CDKAL1: variants seen among roughly 807,000 people sequenced by gnomAD.
CDKAL1 encodes the protein CDKAL1 threonylcarbamoyladenosine tRNA methylthiotransferase.
A neutral mutation model predicts 68.2 loss-of-function variants in CDKAL1; 32 were observed. The observed-to-expected ratio is 0.47, with a 90% confidence interval of 0.35 to 0.63. CDKAL1 has a LOEUF of 0.63. CDKAL1 is among the 30% of genes least tolerant of loss of function. The pLI is 0.00. For synonymous variants in CDKAL1, 234 were observed against 244.3 expected (o/e 0.96, Z 0.39); for missense variants, 606 against 696.7 (o/e 0.87, Z 1.47).
rs572696826 is a variant in CDKAL1, at chr6:20,882,146, C to T, written c.742+35968C>T. Among the ~76,000 whole-genome samples, 3 of 152,250 alleles carry T rather than the reference C, an allele frequency of 2.0e-5. No individual in the cohort carries two copies. The South Asian group carries it at 6.2e-4, about 32-fold the overall frequency. Reference sequence around the variant, plus strand: ...GGTACAGGAAGGACTCTCTGACCTTCCTCTGAAGAAGGTCATAAGACATGT... The same window carrying T: ...GGTACAGGAAGGACTCTCTGACCTTTCTCTGAAGAAGGTCATAAGACATGT... On this transcript the variant is annotated intron_variant, in intron 9 of 15. Transcript: ENST00000274695.
At chr6:20,982,733 A>AT (rs562785460) in intron 10 of CDKAL1, among the ~76,000 whole-genome samples, 36 of 150,370 alleles carry the variant, frequency 2.4e-4, no homozygotes, top group African/African-American at 3.9e-4. Flanking sequence ...GGTAAGTTAG[A>AT]TTTTTTTTTT....
chr6:20,542,776 A>G (rs1458125088), intron 2 of CDKAL1, among the ~76,000 whole-genome samples: 2 of 152,188 alleles, frequency 1.3e-5, no homozygotes, highest in Non-Finnish European at 2.9e-5. Flanking sequence ...CATCATCACA[A>G]GGATTCCTCA....
intron 11 of CDKAL1, among the ~76,000 whole-genome samples, chr6:21,024,253 G>A (rs1404178105): frequency 1.3e-5 from 2 of 152,190 alleles, no homozygotes; most frequent in Non-Finnish European, 2.9e-5. Flanking sequence ...ACATGTGCCT[G>A]TGCAATGTTG....
At chr6:20,796,313 A>G (rs536655394) in intron 8 of CDKAL1, among the ~76,000 whole-genome samples, 1 of 152,372 alleles carries the variant, frequency 6.6e-6, no homozygotes, top group East Asian at 1.9e-4. Context: ...TAGGATATGT[A>G]TATGGAAATT....
intron 8 of CDKAL1, among the ~76,000 whole-genome samples, chr6:20,816,130 C>A (rs201282538): frequency 7.1e-6 from 1 of 140,184 alleles, no homozygotes; most frequent in Non-Finnish European, 1.6e-5. Context: ...TCCCCCCCCC[C>A]GCCTTTTTTT....
intron 4 of CDKAL1, among the ~76,000 whole-genome samples, chr6:20,645,505 G>A (rs62397613): frequency 0.012 from 1,839 of 152,134 alleles, 16 homozygotes; most frequent in Non-Finnish European, 0.019. Flanking sequence ...GCCGAGGCAG[G>A]TAGATCACGA....
intron 5 of CDKAL1, among the ~76,000 whole-genome samples, chr6:20,730,179 C>G (rs1772843965): frequency 6.6e-6 from 1 of 151,658 alleles, no homozygotes; most frequent in Admixed American, 6.6e-5. Flanking sequence ...CAAAAAGTAT[C>G]TGGGGCATGG....
intron 9 of CDKAL1, among the ~76,000 whole-genome samples, chr6:20,950,190 A>T (rs969774017): frequency 1.8e-4 from 27 of 152,134 alleles, no homozygotes; most frequent in African/African-American, 6.3e-4. Flanking sequence ...TCCCCTGGGA[A>T]CTACAGGTAA....
intron 7 of CDKAL1, among the ~76,000 whole-genome samples, chr6:20,778,724 G>T (rs1775285284): frequency 6.6e-6 from 1 of 152,226 alleles, no homozygotes; most frequent in South Asian, 2.1e-4. Flanking sequence ...CAATATTTCA[G>T]TGTGAATCTG....
chr6:21,100,300 C>A (rs1233203428), intron 12 of CDKAL1, among the ~76,000 whole-genome samples: 2 of 152,110 alleles, frequency 1.3e-5, no homozygotes, highest in African/African-American at 4.8e-5. Flanking sequence ...GTTGGGTGAA[C>A]AAATTCACTT....
At chr6:20,876,335 T>A (rs1023724401) in intron 9 of CDKAL1, among the ~76,000 whole-genome samples, 2 of 152,200 alleles carry the variant, frequency 1.3e-5, no homozygotes, top group South Asian at 4.1e-4. Context: ...ATGCCGTCAG[T>A]ACAAATGCGG....
In CDKAL1 at chr6:20,986,650, TAA is replaced by T. The variant is rs5874797; in HGVS notation, c.910-13566_910-13565del. 8.7e-4 allele frequency among the ~76,000 whole-genome samples: 129 copies of T among 149,016 alleles called. 1 individual carries two copies. In the East Asian group the frequency reaches 0.014, roughly 16 times the overall value. ...AATGTGTAGTAATTGGTATATTTAA[TAA>T]AAAAAAAAAAGTAAATAGAGAATCA... is the stretch of plus-strand genomic sequence containing the variant. On this transcript the variant is annotated intron_variant, in intron 10 of 15. Coordinates refer to ENST00000274695, the MANE Select transcript of CDKAL1 (RefSeq NM_017774.3).
intron 13 of CDKAL1, among the ~76,000 whole-genome samples, chr6:21,135,225 T>C (rs1240253816): frequency 6.6e-6 from 1 of 152,108 alleles, no homozygotes; most frequent in Non-Finnish European, 1.5e-5. Context: ...CTGAGTGAGA[T>C]TTTTGTCTTA....
chr6:20,706,662 C>T (rs1386964590), intron 5 of CDKAL1, among the ~76,000 whole-genome samples: 2 of 152,176 alleles, frequency 1.3e-5, no homozygotes, highest in African/African-American at 4.8e-5. Context: ...TTGTGTGTAT[C>T]ATTTAAATAT....
intron 13 of CDKAL1, among the ~76,000 whole-genome samples, chr6:21,137,243 A>T (rs889751903): frequency 2.0e-5 from 3 of 152,240 alleles, no homozygotes; most frequent in Non-Finnish European, 1.5e-5. Flanking sequence ...TTTACCTAGC[A>T]TGCTGCCAAT....
chr6:20,574,952 A>G (rs560425581), intron 4 of CDKAL1, among the ~76,000 whole-genome samples: 2 of 152,240 alleles, frequency 1.3e-5, no homozygotes, highest in East Asian at 3.9e-4. Flanking sequence ...TCTTGGGAAA[A>G]TATTTTGGAA....
chr6:20,926,359 G>T (rs1763187172), intron 9 of CDKAL1, among the ~76,000 whole-genome samples: 1 of 151,990 alleles, frequency 6.6e-6, no homozygotes, highest in South Asian at 2.1e-4. Context: ...TAAATATTGA[G>T]AAATCATTCT....
intron 5 of CDKAL1, among the ~76,000 whole-genome samples, chr6:20,720,305 A>G (rs1772285304): frequency 6.6e-6 from 1 of 152,164 alleles, no homozygotes; most frequent in South Asian, 2.1e-4. Context: ...TGTGGGGTGC[A>G]TGAGAAATTT....
At chr6:20,985,933 A>AT (rs35853352) in intron 10 of CDKAL1, among the ~76,000 whole-genome samples, 1 of 151,916 alleles carries the variant, frequency 6.6e-6, no homozygotes, top group African/African-American at 2.4e-5. Flanking sequence ...AAATGAAGAA[A>AT]TTTTTTCTTT....
Sources: gnomAD v4.1 joint callset for allele counts (sites outside exome capture counted in the v4.1 genomes callset) on GRCh38, gnomAD v4.1.1 for gene constraint, MANE v1.5 for transcripts, NCBI Gene and HGNC (gene_info 2026-07-23, HGNC 2026-07-21) for gene names.